The following DPYD variants were observed in gnomAD, a reference collection of about 807,000 sequenced individuals.
DPYD encodes dihydropyrimidine dehydrogenase [NADP(+)].
DPYD carries 109 observed loss-of-function variants against 116.2 expected under a neutral mutation model. The observed-to-expected ratio is 0.94, with a 90% confidence interval of 0.80 to 1.10. The LOEUF (loss-of-function observed/expected upper bound fraction) is 1.10, where lower values mean the gene tolerates loss of function less well. DPYD is among the 50% of genes least tolerant of loss of function. The pLI, the probability that DPYD is intolerant of heterozygous loss-of-function variation, is 0.00. For synonymous variants in DPYD, 440 were observed against 432.0 expected (o/e 1.02, Z -0.23); for missense variants, 1,302 against 1,254.5 (o/e 1.04, Z -0.57).
chr1:97,129,484 A>G (rs1478341232), intron 20 of DPYD, among the ~76,000 whole-genome samples: 2 of 152,152 alleles, frequency 1.3e-5, no homozygotes, highest in African/African-American at 4.8e-5. Flanking sequence ...ACAGCTGCAG[A>G]GACTAGAAAG....
At chr1:97,910,835 G>A (rs1301936416) in intron 1 of DPYD, among the ~76,000 whole-genome samples, 5 of 151,882 alleles carry the variant, frequency 3.3e-5, no homozygotes, top group African/African-American at 1.2e-4. Flanking sequence ...TCATTTTGTT[G>A]TGATCTCATG....
chr1:97,345,893 A>C (rs1669816146), intron 16 of DPYD, among the ~76,000 whole-genome samples: 1 of 151,946 alleles, frequency 6.6e-6, no homozygotes. Flanking sequence ...TATTATTTTA[A>C]TGATTTTTTT....
rs547614311 is a variant in DPYD at position 97,594,319 on chromosome 1, C to G, written c.958+740G>C. On this transcript the variant is annotated intron_variant, in intron 9 of 22. Coordinates refer to ENST00000370192, the MANE Select transcript of DPYD (RefSeq NM_000110.4). ...AAAGGGTTTCAGACATACAAACATC[C>G]AGTTCTACTGAGAGGCAGAAGGTGG... Among the ~76,000 whole-genome samples the G allele has an allele frequency of 1.2e-4, 18 of 152,188 alleles. No individual in the cohort carries two copies. The East Asian group carries it at 3.5e-3, about 29-fold the overall frequency.
intron 12 of DPYD, among the ~76,000 whole-genome samples, chr1:97,528,915 T>C (rs1036354872): frequency 1.3e-5 from 2 of 152,110 alleles, no homozygotes; most frequent in African/African-American, 2.4e-5. Flanking sequence ...TTTTCATTAG[T>C]TTTTCATTGG....
chr1:97,811,537 T>C (rs889115579), intron 3 of DPYD, among the ~76,000 whole-genome samples: 18 of 152,126 alleles, frequency 1.2e-4, no homozygotes, highest in Admixed American at 1.0e-3. Flanking sequence ...AATATTTCAA[T>C]GTAATAACCC....
chr1:97,121,722 GC>G (rs1244301059), intron 20 of DPYD, among the ~76,000 whole-genome samples: 2 of 152,146 alleles, frequency 1.3e-5, no homozygotes, highest in African/African-American at 4.8e-5. Context: ...TAAGGAATTA[GC>G]CCAAAGGTGG....
intron 15 of DPYD, among the ~76,000 whole-genome samples, chr1:97,377,795 G>A (rs530457759): frequency 6.6e-6 from 1 of 152,260 alleles, no homozygotes; most frequent in East Asian, 1.9e-4. Flanking sequence ...AGCATTTGAG[G>A]AGCCATGAGG....
chr1:97,215,840 C>A (rs1011943536), intron 19 of DPYD, among the ~76,000 whole-genome samples: 10 of 152,260 alleles, frequency 6.6e-5, no homozygotes, highest in Admixed American at 2.0e-4. Context: ...GTGACCTAAG[C>A]ATTCTTTTTG....
At chr1:97,700,159 C>A (rs1386062976) in intron 5 of DPYD, 1 of 452,292 alleles carries the variant, frequency 2.2e-6, no homozygotes. Context: ...CCAGAAGTCA[C>A]TTTTCCCCTG....
Position 97,098,494 on chromosome 1 carries a change from T to G in DPYD, c.2761A>C (p.Ile921Leu), listed in dbSNP as rs1650429302. The G allele has an allele frequency of 6.2e-7, 1 of 1,612,736 alleles. No homozygotes were observed. Among genetic ancestry groups the G allele is most frequent in the South Asian group, 1.1e-5 (1 of 91,034 alleles). The change falls in exon 21 of 23, where the codon ATC (isoleucine) becomes CTC (leucine). Residue 921 changes from isoleucine to leucine, a missense_variant. Physicochemically the swap from Ile to Leu is conservative, Grantham distance 5. Coordinates refer to ENST00000370192, the MANE Select transcript of DPYD (RefSeq NM_000110.4). ...CFIPKRPIPT[I>L]KDVIGKALQY... ...ATAGTTGGCATAATTTTTACCTTGA[T>G]GGTAGGAATAGGCCTTTTGGGGATA...
chr1:97,748,196 C>T (rs1664663468), intron 3 of DPYD, among the ~76,000 whole-genome samples: 2 of 151,986 alleles, frequency 1.3e-5, no homozygotes, highest in African/African-American at 2.4e-5. Flanking sequence ...GAACCAGAGA[C>T]GCCTTCTTAG....
intron 14 of DPYD, among the ~76,000 whole-genome samples, chr1:97,424,174 T>C (rs919617604): frequency 3.3e-5 from 5 of 152,112 alleles, no homozygotes; most frequent in African/African-American, 1.2e-4. Context: ...ATGATTATCT[T>C]GAAAGCTCTT....
chr1:97,706,217 T>G (rs1398020366), intron 5 of DPYD, among the ~76,000 whole-genome samples: 2 of 152,060 alleles, frequency 1.3e-5, no homozygotes, highest in Non-Finnish European at 2.9e-5. Flanking sequence ...GTTATTATAA[T>G]TAATAAATTA....
intron 16 of DPYD, among the ~76,000 whole-genome samples, chr1:97,338,457 T>C (rs1013808063): frequency 6.6e-6 from 1 of 152,050 alleles, no homozygotes; most frequent in African/African-American, 2.4e-5. Flanking sequence ...GCAGATTCCT[T>C]GGCCACTGGA....
chr1:97,162,291 G>T (rs1309489863), intron 20 of DPYD, among the ~76,000 whole-genome samples: 2 of 152,096 alleles, frequency 1.3e-5, no homozygotes, highest in East Asian at 3.9e-4. Context: ...GTATCTCATT[G>T]TGGTTTTGAT....
intron 4 of DPYD, among the ~76,000 whole-genome samples, chr1:97,729,407 C>T (rs1340276044): frequency 6.6e-6 from 1 of 152,020 alleles, no homozygotes; most frequent in Non-Finnish European, 1.5e-5. Flanking sequence ...GGATAAGATG[C>T]CTATTCCATT....
chr1:97,679,996 A>G (rs961098232), intron 7 of DPYD, among the ~76,000 whole-genome samples: 1 of 152,174 alleles, frequency 6.6e-6, no homozygotes, highest in African/African-American at 2.4e-5. Flanking sequence ...CTGGTTCTTC[A>G]GTAATACTGA....
intron 3 of DPYD, among the ~76,000 whole-genome samples, chr1:97,795,369 A>G (rs1236354474): frequency 6.6e-6 from 1 of 152,074 alleles, no homozygotes; most frequent in Non-Finnish European, 1.5e-5. Context: ...AACTGCTAAA[A>G]GTGTATAATT....
intron 13 of DPYD, among the ~76,000 whole-genome samples, chr1:97,500,223 A>G (rs1679497302): frequency 6.6e-6 from 1 of 152,042 alleles, no homozygotes; most frequent in Non-Finnish European, 1.5e-5. Context: ...TCACATCCAC[A>G]CAGAAATCAA....
Sources: allele counts gnomAD v4.1 joint callset (sites outside exome capture counted in the v4.1 genomes callset), GRCh38; gene constraint gnomAD v4.1.1; transcripts MANE v1.5; gene names NCBI Gene and HGNC (gene_info 2026-07-23, HGNC 2026-07-21).